Variants in NKAIN2 observed in about 807,000 individuals in gnomAD.
The protein encoded by NKAIN2 is sodium/potassium transporting ATPase interacting 2, also known as sodium/potassium-transporting ATPase subunit beta-1-interacting protein 2.
In NKAIN2, 14 loss-of-function variants were observed where a neutral mutation model predicts 32.6. The ratio of observed to expected loss-of-function variants is 0.43; its 90% CI spans 0.28 to 0.67. NKAIN2 has a LOEUF of 0.67. Ranked by LOEUF, NKAIN2 falls within the 30% of genes least tolerant of loss-of-function variation. The pLI is 0.17. For missense variants in NKAIN2, 198 were observed against 258.3 expected (o/e 0.77, Z 1.60); for synonymous variants, 80 against 87.2 (o/e 0.92, Z 0.46).
chr6:124,127,300 G>A (rs977345340), intron 1 of NKAIN2, among the ~76,000 whole-genome samples: 4 of 152,046 alleles, frequency 2.6e-5, no homozygotes, highest in East Asian at 3.9e-4. Flanking sequence ...GTATAGTCAC[G>A]GTTCAGAGGG....
At chr6:123,860,053 A>C (rs1311344491) in intron 1 of NKAIN2, among the ~76,000 whole-genome samples, 1 of 152,162 alleles carries the variant, frequency 6.6e-6, no homozygotes, top group Non-Finnish European at 1.5e-5. Flanking sequence ...AGTTAGCACT[A>C]AGGATAAATC....
At chr6:124,176,520 G>T (rs1169357059) in intron 1 of NKAIN2, among the ~76,000 whole-genome samples, 1 of 152,100 alleles carries the variant, frequency 6.6e-6, no homozygotes, top group African/African-American at 2.4e-5. Context: ...TTGAATGACA[G>T]TGGTGAAAAT....
At chr6:124,391,844 C>G (rs73580808) in intron 3 of NKAIN2, among the ~76,000 whole-genome samples, 5,956 of 152,156 alleles carry the variant, frequency 0.039, 355 homozygotes, top group African/African-American at 0.14. Flanking sequence ...ACCCTACTAT[C>G]CTTCCCCCTA....
In NKAIN2 at chr6:124,545,539, T is replaced by A. The variant is rs115840207; in HGVS notation, c.274-112647T>A. ...TAGGTTATTTTGTCCCTTCTAAGTG[T>A]TTATTATTTGACCAACATAATCTTA... On this transcript the variant is annotated intron_variant, in intron 3 of 6. Transcript: ENST00000368417. Among the ~76,000 whole-genome samples the A allele has an allele frequency of 4.6e-3, 696 of 152,192 alleles. 4 individuals are homozygous for A. Among genetic ancestry groups the A allele is most frequent in the African/African-American group, 0.016 (662 of 41,554 alleles).
intron 1 of NKAIN2, among the ~76,000 whole-genome samples, chr6:123,975,963 TC>T (rs901108345): frequency 1.3e-5 from 2 of 151,772 alleles, no homozygotes; most frequent in African/African-American, 4.8e-5. Context: ...CATGTGGGGA[TC>T]ATGGGGGCGG....
At chr6:124,503,431 T>C (rs1269417902) in intron 3 of NKAIN2, among the ~76,000 whole-genome samples, 1 of 152,134 alleles carries the variant, frequency 6.6e-6, no homozygotes, top group African/African-American at 2.4e-5. Flanking sequence ...CTTGTGCTGA[T>C]GTGAAATATA....
At chr6:124,210,382 GT>G (rs1011088547) in intron 1 of NKAIN2, among the ~76,000 whole-genome samples, 12 of 151,972 alleles carry the variant, frequency 7.9e-5, no homozygotes, top group African/African-American at 2.7e-4. Flanking sequence ...ATCCTGTCTA[GT>G]TTTGTTCTTT....
chr6:124,255,593 T>G (rs1793892781), intron 1 of NKAIN2, among the ~76,000 whole-genome samples: 1 of 152,200 alleles, frequency 6.6e-6, no homozygotes. Flanking sequence ...AGCTTCCATT[T>G]TGTACATTTT....
chr6:124,269,627 T>A (rs1048642192), intron 1 of NKAIN2, among the ~76,000 whole-genome samples: 7 of 151,632 alleles, frequency 4.6e-5, no homozygotes, highest in Non-Finnish European at 7.4e-5. Flanking sequence ...GCCACCACAT[T>A]TGGCTAATTT....
chr6:124,088,430 C>A (rs1251738036), intron 1 of NKAIN2, among the ~76,000 whole-genome samples: 1 of 151,826 alleles, frequency 6.6e-6, no homozygotes, highest in Non-Finnish European at 1.5e-5. Flanking sequence ...AAAAAATAAA[C>A]CACTGGCAAG....
intron 1 of NKAIN2, among the ~76,000 whole-genome samples, chr6:124,006,415 A>G (rs1242770605): frequency 1.3e-5 from 2 of 152,162 alleles, no homozygotes; most frequent in Non-Finnish European, 2.9e-5. Flanking sequence ...GGGTTAGGAT[A>G]AGGGCGAGAT....
chr6:124,462,169 G>T (rs748393300), intron 3 of NKAIN2, among the ~76,000 whole-genome samples: 4 of 151,862 alleles, frequency 2.6e-5, no homozygotes. Flanking sequence ...ACAAAGTTTG[G>T]AACATAATAA....
intron 2 of NKAIN2, 149 bp from the exon 3 acceptor site, chr6:124,355,118 C>A (rs3757218): frequency 6.1e-6 from 3 of 495,556 alleles, no homozygotes; most frequent in East Asian, 3.3e-5. Context: ...CAGAGATAAA[C>A]GTACATCTAA....
At chr6:124,096,889 T>C (rs1016763958) in intron 1 of NKAIN2, among the ~76,000 whole-genome samples, 1 of 151,596 alleles carries the variant, frequency 6.6e-6, no homozygotes, top group Non-Finnish European at 1.5e-5. Flanking sequence ...TTATCTGTTA[T>C]GTGTTTTCTT....
intron 1 of NKAIN2, among the ~76,000 whole-genome samples, chr6:124,131,297 G>T (rs183919227): frequency 1.3e-5 from 2 of 151,964 alleles, no homozygotes; most frequent in African/African-American, 4.8e-5. Flanking sequence ...GGTGCATGCC[G>T]CCACGTCTGG....
At chr6:124,337,639 T>C (rs765816600) in intron 2 of NKAIN2, among the ~76,000 whole-genome samples, 12 of 152,176 alleles carry the variant, frequency 7.9e-5, no homozygotes, top group Non-Finnish European at 1.3e-4. Context: ...TGCTGAGCAA[T>C]TAATTGGATC....
chr6:124,538,581 A>T (rs1350452602), intron 3 of NKAIN2, among the ~76,000 whole-genome samples: 1 of 152,104 alleles, frequency 6.6e-6, no homozygotes, highest in East Asian at 1.9e-4. Context: ...ATTTAAGAAC[A>T]TACCCATTTT....
At chr6:124,795,352 G>T (rs9388375) in intron 5 of NKAIN2, among the ~76,000 whole-genome samples, 1 of 151,914 alleles carries the variant, frequency 6.6e-6, no homozygotes, top group African/African-American at 2.4e-5. Context: ...AGAGGAAAGA[G>T]GCAGAAACCT....
chr6:124,742,445 GAC>G (rs1374160028), intron 4 of NKAIN2, among the ~76,000 whole-genome samples: 2 of 151,744 alleles, frequency 1.3e-5, no homozygotes, highest in East Asian at 3.9e-4. Flanking sequence ...TTATACCAGT[GAC>G]ACATTCTCAC....
Sources: allele counts gnomAD v4.1 joint callset (sites outside exome capture counted in the v4.1 genomes callset), GRCh38; gene constraint gnomAD v4.1.1; transcripts MANE v1.5; gene names NCBI Gene and HGNC (gene_info 2026-07-23, HGNC 2026-07-21).